Variants in TAF4B observed in about 807,000 individuals in gnomAD.
The protein encoded by TAF4B is TATA-box binding protein associated factor 4b.
Under a neutral mutation model 86.4 loss-of-function variants are expected in TAF4B, and 38 were observed. The observed-to-expected ratio is 0.44, with a 90% confidence interval of 0.34 to 0.58. The LOEUF (loss-of-function observed/expected upper bound fraction) is 0.58. Ranked by LOEUF, TAF4B falls within the 20% of genes least tolerant of loss-of-function variation. The pLI is 0.02. For synonymous variants in TAF4B, 388 were observed against 391.2 expected (o/e 0.99, Z 0.10); for missense variants, 988 against 1,027.6 (o/e 0.96, Z 0.53).
intron 1 of TAF4B, among the ~76,000 whole-genome samples, chr18:26,230,210 T>G (rs2055644391): frequency 1.3e-5 from 2 of 152,350 alleles, no homozygotes; most frequent in South Asian, 4.1e-4. Context: ...AGGACTTGAT[T>G]CCTTCTTTTA....
intron 1 of TAF4B, among the ~76,000 whole-genome samples, chr18:26,259,394 C>G (rs2056132132): frequency 6.6e-6 from 1 of 152,012 alleles, no homozygotes; most frequent in South Asian, 2.1e-4. Flanking sequence ...ATTAACTCAT[C>G]ATTTACATTA....
chr18:26,227,357 A>G (rs2055594060), intron 1 of TAF4B, 81 bp downstream of exon 1: 2 of 1,280,312 alleles, frequency 1.6e-6, no homozygotes, highest in South Asian at 2.6e-5. Context: ...GATTGCTCCT[A>G]AAAAAACTGA....
intron 6 of TAF4B, among the ~76,000 whole-genome samples, chr18:26,285,225 T>TTTTTTGTTTTTTTTG (rs2056503618): frequency 2.4e-5 from 3 of 125,146 alleles, no homozygotes; most frequent in Non-Finnish European, 5.3e-5. Flanking sequence ...TTTTTTTGTT[T>TTTTTTGTTTTTTTTG]TTTTTTTTTT....
At chr18:26,311,336 TA>T (rs2056851844) in intron 9 of TAF4B, among the ~76,000 whole-genome samples, 1 of 151,728 alleles carries the variant, frequency 6.6e-6, no homozygotes, top group South Asian at 2.1e-4. Flanking sequence ...GCTTTGAAAA[TA>T]AGAAAAAAGC....
chr18:26,307,052 G>A (rs1040083954), intron 9 of TAF4B, among the ~76,000 whole-genome samples: 1 of 152,062 alleles, frequency 6.6e-6, no homozygotes, highest in Non-Finnish European at 1.5e-5. Flanking sequence ...GCCTCCCAAA[G>A]TGCTGGAATT....
chr18:26,287,085 A>G (rs551867423), intron 7 of TAF4B, among the ~76,000 whole-genome samples: 1 of 152,190 alleles, frequency 6.6e-6, no homozygotes, highest in Non-Finnish European at 1.5e-5. Context: ...TTTTTTTGTA[A>G]AACATAACCA....
chr18:26,292,052 T>G (rs2056600262), intron 7 of TAF4B, among the ~76,000 whole-genome samples, 194 bp from the exon 8 acceptor site: 1 of 152,228 alleles, frequency 6.6e-6, no homozygotes, highest in Non-Finnish European at 1.5e-5. Flanking sequence ...CTGAAAATAA[T>G]GTATGTGAGA....
intron 13 of TAF4B, among the ~76,000 whole-genome samples, chr18:26,341,783 A>G (rs2057138973): frequency 6.6e-6 from 1 of 152,084 alleles, no homozygotes; most frequent in Non-Finnish European, 1.5e-5. Flanking sequence ...AAGATCTTGT[A>G]TTTCGGTTGT....
At chr18:26,290,966 C>A (rs2056584770) in intron 7 of TAF4B, among the ~76,000 whole-genome samples, 1 of 152,120 alleles carries the variant, frequency 6.6e-6, no homozygotes, top group South Asian at 2.1e-4. Flanking sequence ...TGAAATGTAT[C>A]ATTTTTAAAA....
chr18:26,274,387 C>T (rs997150276), intron 3 of TAF4B, among the ~76,000 whole-genome samples: 1 of 152,114 alleles, frequency 6.6e-6, no homozygotes, highest in African/African-American at 2.4e-5. Context: ...GTTGCAATCC[C>T]TATTTTTGCA....
intron 1 of TAF4B, chr18:26,256,313 G>GC (rs1408908399): frequency 6.9e-7 from 1 of 1,453,586 alleles, no homozygotes; most frequent in African/African-American, 1.4e-5. Flanking sequence ...AAATACAGCA[G>GC]CCCTCTATAC....
chr18:26,267,448 C>T, intron 2 of TAF4B, 68 bp from the exon 3 acceptor site: 1 of 1,019,326 alleles, frequency 9.8e-7, no homozygotes, highest in East Asian at 2.4e-5. Flanking sequence ...CTAATGTTCA[C>T]TGCAGTACTG....
At chr18:26,228,879 A>G (rs1404573492) in intron 1 of TAF4B, among the ~76,000 whole-genome samples, 1 of 152,126 alleles carries the variant, frequency 6.6e-6, no homozygotes, top group Non-Finnish European at 1.5e-5. Flanking sequence ...AAGCACTTTT[A>G]ACAAATTATT....
At chr18:26,272,429 A>AT (rs2056332241) in intron 3 of TAF4B, among the ~76,000 whole-genome samples, 1 of 152,134 alleles carries the variant, frequency 6.6e-6, no homozygotes, top group East Asian at 1.9e-4. Context: ...CCCCTGTGGT[A>AT]AGATACAAGT....
chr18:26,387,306 C>A (rs1284463490), intron 14 of TAF4B, among the ~76,000 whole-genome samples: 3 of 152,166 alleles, frequency 2.0e-5, no homozygotes, highest in Middle Eastern at 3.4e-3. Context: ...TGACCTCAAG[C>A]GATTTGCTTG....
chr18:26,272,143 G>A (rs2056327617), intron 3 of TAF4B, among the ~76,000 whole-genome samples: 2 of 152,074 alleles, frequency 1.3e-5, no homozygotes, highest in South Asian at 4.1e-4. Context: ...CCTCCTCCCA[G>A]TGGGCAGGCG....
chr18:26,244,534 C>T (rs542151505), intron 1 of TAF4B, among the ~76,000 whole-genome samples: 89 of 152,262 alleles, frequency 5.8e-4, no homozygotes, highest in Non-Finnish European at 9.9e-4. Context: ...CTGGGTGAGG[C>T]GATGCCCCCG....
At position 26,226,820 on chromosome 18, in the gene TAF4B, C is replaced by G. The variant is rs541924321; in HGVS notation, c.-114C>G. 6,968 of 867,054 alleles carry G rather than the reference C, an allele frequency of 8.0e-3. 43 individuals are homozygous for G. The highest frequency in any genetic ancestry group is 9.8e-3 in the Non-Finnish European group (6,235 of 633,086). 53.7% of individuals were successfully genotyped at this position (867,054 alleles called of 1,614,324 possible). Reference sequence around the variant, plus strand: ...CGCTGCTGCGGCCCCCGCGCCTCTCCCCAGCGATGCTGTGGAACCCGAACC... The same window carrying G: ...CGCTGCTGCGGCCCCCGCGCCTCTCGCCAGCGATGCTGTGGAACCCGAACC... On this transcript the variant is annotated 5_prime_UTR_variant, in exon 1 of 15. Transcript: ENST00000269142.
intron 11 of TAF4B, 54 bp from the exon 12 acceptor site, chr18:26,326,961 A>G: frequency 6.3e-7 from 1 of 1,580,160 alleles, no homozygotes; most frequent in Non-Finnish European, 8.6e-7. Flanking sequence ...TACCTAATGT[A>G]GAATGTGTGG....
Sources: allele counts gnomAD v4.1 joint callset (sites outside exome capture counted in the v4.1 genomes callset), GRCh38; gene constraint gnomAD v4.1.1; transcripts MANE v1.5; gene names NCBI Gene and HGNC (gene_info 2026-07-23, HGNC 2026-07-21).